DLGAP2: variants seen among roughly 807,000 people sequenced by gnomAD.
DLGAP2 encodes disks large-associated protein 2.
In DLGAP2, 26 loss-of-function variants were observed where a neutral mutation model predicts 100.3. The observed-to-expected ratio is 0.26, with a 90% CI of 0.19 to 0.36. The LOEUF (loss-of-function observed/expected upper bound fraction) is 0.36. Among genes scored for constraint, DLGAP2 ranks in the 10% least tolerant of loss-of-function variants. The probability of loss-of-function intolerance (pLI) is 1.00; values close to 1 mark genes in which losing one functional copy is unlikely to be tolerated. For synonymous variants in DLGAP2, 886 were observed against 630.1 expected (o/e 1.41, Z -6.08); for missense variants, 1,858 against 1,453.2 (o/e 1.28, Z -4.53).
intron 12 of DLGAP2, among the ~76,000 whole-genome samples, chr8:1,682,555 A>C (rs1413051114): frequency 6.6e-6 from 1 of 151,800 alleles, no homozygotes; most frequent in Non-Finnish European, 1.5e-5. Flanking sequence ...GCTCACTGCA[A>C]CCTCAGCCTC....
chr8:1,356,911 TGCCCGTGTCTACAGC>T (rs918642814), intron 3 of DLGAP2, among the ~76,000 whole-genome samples: 3 of 152,192 alleles, frequency 2.0e-5, no homozygotes, highest in Non-Finnish European at 4.4e-5. Context: ...GTGTCTACAG[TGCCCGTGTCTACAGC>T]GCACGTTCAT....
chr8:779,518 C>T (rs1821629968), intron 1 of DLGAP2, among the ~76,000 whole-genome samples: 1 of 148,956 alleles, frequency 6.7e-6, no homozygotes, highest in African/African-American at 2.5e-5. Context: ...GGCTGGAGTG[C>T]AGTGGTGCCA....
At chr8:922,369 A>G (rs1293202226) in intron 2 of DLGAP2, among the ~76,000 whole-genome samples, 1 of 152,186 alleles carries the variant, frequency 6.6e-6, no homozygotes, top group Non-Finnish European at 1.5e-5. Context: ...TATTCAAGTC[A>G]TGCCGAATTT....
At chr8:1,413,072 C>T (rs1205070677) in intron 3 of DLGAP2, among the ~76,000 whole-genome samples, 1 of 152,160 alleles carries the variant, frequency 6.6e-6, no homozygotes. Context: ...TTGACCAGTG[C>T]CATTACCTCC....
chr8:1,183,773 C>G (rs1427752538), intron 2 of DLGAP2, among the ~76,000 whole-genome samples: 1 of 152,198 alleles, frequency 6.6e-6, no homozygotes, highest in Non-Finnish European at 1.5e-5. Context: ...CTTTTTGAAT[C>G]ATAATTCTAA....
intron 2 of DLGAP2, among the ~76,000 whole-genome samples, chr8:1,140,285 C>T (rs1435401367): frequency 6.6e-6 from 1 of 152,098 alleles, no homozygotes; most frequent in Non-Finnish European, 1.5e-5. Flanking sequence ...CACCTCTGCT[C>T]CTTGGGAGGC....
At chr8:1,410,562 A>G (rs1796699895) in intron 3 of DLGAP2, among the ~76,000 whole-genome samples, 2 of 152,262 alleles carry the variant, frequency 1.3e-5, no homozygotes, top group African/African-American at 4.8e-5. Context: ...GAGTTAAAGC[A>G]AAAGCATCAA....
chr8:1,502,108 G>A (rs1018538987), intron 4 of DLGAP2, among the ~76,000 whole-genome samples: 2 of 152,178 alleles, frequency 1.3e-5, no homozygotes, highest in African/African-American at 4.8e-5. Flanking sequence ...TCAAACCACA[G>A]CTGAAGACGG....
chr8:1,059,892 T>C (rs1487589847), intron 2 of DLGAP2, among the ~76,000 whole-genome samples: 2 of 152,136 alleles, frequency 1.3e-5, no homozygotes, highest in African/African-American at 4.8e-5. Flanking sequence ...GCAAATCGCA[T>C]TCTGTGTGGC....
intron 1 of DLGAP2, among the ~76,000 whole-genome samples, chr8:869,034 G>T (rs1011135535): frequency 6.6e-6 from 1 of 152,194 alleles, no homozygotes; most frequent in Admixed American, 6.5e-5. Flanking sequence ...TTCTCCACAG[G>T]CGTCCTGAGT....
At chr8:1,069,075 C>A (rs1803347967) in intron 2 of DLGAP2, among the ~76,000 whole-genome samples, 2 of 152,198 alleles carry the variant, frequency 1.3e-5, no homozygotes, top group Admixed American at 6.5e-5. Flanking sequence ...GGTAGCACTG[C>A]CCTGCACTAG....
intron 2 of DLGAP2, among the ~76,000 whole-genome samples, chr8:973,533 G>A (rs950598247): frequency 2.0e-5 from 3 of 152,196 alleles, no homozygotes; most frequent in Admixed American, 6.5e-5. Context: ...GGGCAGAGAT[G>A]CTCCTCACTT....
chr8:1,202,701 C>A (rs1242871602), intron 2 of DLGAP2, among the ~76,000 whole-genome samples: 2 of 152,132 alleles, frequency 1.3e-5, no homozygotes, highest in South Asian at 4.1e-4. Context: ...GCCCCAGGAT[C>A]CCTACTGCCC....
At chr8:1,450,436 G>A (rs1440915699) in intron 3 of DLGAP2, among the ~76,000 whole-genome samples, 1 of 135,656 alleles carries the variant, frequency 7.4e-6, no homozygotes, top group African/African-American at 2.9e-5. Flanking sequence ...GTGAAGACGA[G>A]GTGGGCGGCC....
chr8:1,379,182 C>T (rs1796032819), intron 3 of DLGAP2, among the ~76,000 whole-genome samples: 1 of 152,274 alleles, frequency 6.6e-6, no homozygotes, highest in Non-Finnish European at 1.5e-5. Flanking sequence ...CCTCACGGGG[C>T]CACCCGCTGC....
At chr8:1,179,789 T>C (rs536723943) in intron 2 of DLGAP2, among the ~76,000 whole-genome samples, 6 of 152,320 alleles carry the variant, frequency 3.9e-5, no homozygotes, top group African/African-American at 1.4e-4. Flanking sequence ...AGAATAAAAA[T>C]ATTTTAGGGT....
chr8:1,693,385 T>C lies in DLGAP2; in HGVS notation c.2796+1759T>C, dbSNP rs571589448. Among the ~76,000 whole-genome samples the C allele has an allele frequency of 1.6e-3, 235 of 151,602 alleles. 1 individual carries two copies. Among genetic ancestry groups the C allele is most frequent in the African/African-American group, 5.4e-3 (224 of 41,420 alleles). On this transcript the variant is annotated intron_variant, in intron 13 of 14. Coordinates refer to ENST00000637795, the MANE Select transcript of DLGAP2 (RefSeq NM_001346810.2). ...TATACTATATATTTGCCTACACACA[T>C]ACATGTATACTTTTCCTTGGCTGAC... is the stretch of plus-strand genomic sequence containing the variant.
At position 1,121,031 on chromosome 8, in the gene DLGAP2, C is replaced by A. The variant is rs577012382; in HGVS notation, c.74-137820C>A. On this transcript the variant is annotated intron_variant, in intron 2 of 14. Transcript: ENST00000637795. ...TATCCCTTTAGAACCCCTGGCCACG[C>A]ATCCTTGTCCCTTCAGAACCCATGA... is the stretch of plus-strand genomic sequence containing the variant. Among the ~76,000 whole-genome samples the A allele has an allele frequency of 2.3e-3, 342 of 151,676 alleles. 2 individuals are homozygous for A. Among genetic ancestry groups the A allele is most frequent in the African/African-American group, 7.8e-3 (321 of 41,302 alleles).
At chr8:776,679 C>T (rs896460498) in intron 1 of DLGAP2, among the ~76,000 whole-genome samples, 2 of 152,186 alleles carry the variant, frequency 1.3e-5, no homozygotes, top group Admixed American at 6.5e-5. Context: ...ATTCTTAATC[C>T]TGACTTCTAG....
Sources: gnomAD v4.1 joint callset for allele counts (sites outside exome capture counted in the v4.1 genomes callset) on GRCh38, gnomAD v4.1.1 for gene constraint, MANE v1.5 for transcripts, NCBI Gene and HGNC (gene_info 2026-07-23, HGNC 2026-07-21) for gene names.